Variants in QSOX1 observed in about 807,000 individuals in gnomAD.
QSOX1 encodes the protein quiescin sulfhydryl oxidase 1.
A neutral mutation model predicts 76.1 loss-of-function variants in QSOX1; 40 were observed. The observed-to-expected ratio is 0.53, with a 90% CI of 0.41 to 0.68. The LOEUF is 0.68. Among genes scored for constraint, QSOX1 ranks in the 30% least tolerant of loss-of-function variants. QSOX1 has a pLI of 0.00. For missense variants in QSOX1, 931 were observed against 974.3 expected (o/e 0.96, Z 0.59); for synonymous variants, 392 against 413.1 (o/e 0.95, Z 0.62).
Position 180,196,562 on chromosome 1 carries a change from C to T in QSOX1, c.1769C>T (p.Thr590Ile). 6.2e-7 allele frequency: 1 copy of T among 1,614,216 alleles called. No individual in the cohort carries two copies. Among genetic ancestry groups the T allele is most frequent in the Non-Finnish European group, 8.5e-7 (1 of 1,180,042 alleles). Residue 590 changes from threonine (T) to isoleucine (I), a missense_variant, in exon 12 of 12, where the codon ACA (threonine) becomes ATA (isoleucine). By Grantham distance (89) the Thr-to-Ile change is moderately conservative. Coordinates refer to ENST00000367602, the MANE Select transcript of QSOX1 (RefSeq NM_002826.5). This position sits in a 1 kb window ranked among gnomAD's most constrained non-coding sequence, Gnocchi z 4.1. ...PGKPEMMKSP[T>I]NTTPHVPAEG... ...AAGCCTGAGATGATGAAGTCCCCCA[C>T]AAACACCACCCCACATGTGCCGGCT...
Position 180,175,305 on chromosome 1 carries a change from G to T in QSOX1, c.367-16G>T. On this transcript the variant is annotated splice_polypyrimidine_tract_variant and intron_variant, in intron 2 of 11. Transcript: ENST00000367602. The stretch of plus-strand genomic sequence containing the variant: ...CACTATCTATTACTGATGCCCACCT[G>T]TGTGTTTGCTTCCAGTTCTTCAAGG... 6.2e-7 allele frequency: 1 copy of T among 1,613,964 alleles called. No homozygotes were observed.
At chr1:180,174,230 C>T (rs567176529) in intron 2 of QSOX1, among the ~76,000 whole-genome samples, 2 of 152,328 alleles carry the variant, frequency 1.3e-5, no homozygotes, top group East Asian at 1.9e-4. Flanking sequence ...ATCGGAAGAG[C>T]GCAGGCAAAA....
At chr1:180,156,444 A>C (rs79360503) in intron 1 of QSOX1, among the ~76,000 whole-genome samples, 1,551 of 152,302 alleles carry the variant, frequency 0.01, 20 homozygotes, top group African/African-American at 0.035. Context: ...CCATTGTTCC[A>C]CTGTTGGTAT....
chr1:180,182,732 A>G (rs1270405613), intron 6 of QSOX1, among the ~76,000 whole-genome samples: 2 of 152,156 alleles, frequency 1.3e-5, no homozygotes, highest in Non-Finnish European at 2.9e-5. Context: ...GCAGCCAGAC[A>G]ATAGCCAGTT....
Position 180,182,256 on chromosome 1 carries a change from G to T in QSOX1, c.689G>T (p.Gly230Val). 6.2e-7 allele frequency: 1 copy of T among 1,614,236 alleles called. No individual in the cohort carries two copies. The change falls in exon 6 of 12, where the codon GGT becomes GTT. Residue 230 changes from glycine (G) to valine (V), a missense_variant. Transcript: ENST00000367602. ...GAGGCCAATGTGGTGAGAAAGTTTG[G>T]TGTCACCGACTTCCCCTCTTGCTAC... is the stretch of plus-strand genomic sequence containing the variant. ...NTEANVVRKF[G>V]VTDFPSCYLL...
intron 1 of QSOX1, 25 bp from the exon 2 acceptor site, chr1:180,166,466 A>T: frequency 1.2e-6 from 2 of 1,600,724 alleles, no homozygotes; most frequent in Non-Finnish European, 1.7e-6. Flanking sequence ...CCTCTTATTT[A>T]CCCCTGGGTT....
Position 180,199,175 on chromosome 1 carries a change from C to T in QSOX1, c.*2138C>T, listed in dbSNP as rs1663577785. ...TCTGGTTGATAAACGGGTGGGCCTC[C>T]TCAGCAGCGTGGCTGCCTTTCACCT... On this transcript the variant is annotated 3_prime_UTR_variant, in exon 12 of 12. Coordinates refer to ENST00000367602, the MANE Select transcript of QSOX1 (RefSeq NM_002826.5). The T allele has an allele frequency of 6.6e-6, 1 of 152,226 alleles. No individual in the cohort carries two copies. The highest frequency in any genetic ancestry group is 2.4e-5 in the African/African-American group (1 of 41,460). 9.4% of individuals were successfully genotyped at this position (152,226 alleles called of 1,614,324 possible).
At chr1:180,158,143 A>G (rs916252269) in intron 1 of QSOX1, among the ~76,000 whole-genome samples, 9 of 152,248 alleles carry the variant, frequency 5.9e-5, no homozygotes, top group African/African-American at 2.2e-4. Context: ...CCAGGTTTAC[A>G]CAGATGCTGG....
intron 5 of QSOX1, among the ~76,000 whole-genome samples, chr1:180,180,907 G>C (rs1663015809): frequency 6.6e-6 from 1 of 152,116 alleles, no homozygotes; most frequent in Non-Finnish European, 1.5e-5. Flanking sequence ...TCAGTTCTCA[G>C]AACAGCCCCC....
chr1:180,184,350 C>T (rs1036856141), intron 7 of QSOX1, among the ~76,000 whole-genome samples: 3 of 152,148 alleles, frequency 2.0e-5, no homozygotes, highest in Non-Finnish European at 2.9e-5. Flanking sequence ...GGGGAATCTG[C>T]GTGCAAGGAC....
chr1:180,199,433 C>G lies in QSOX1; in HGVS notation c.*2396C>G, dbSNP rs1284385858. 6.6e-6 allele frequency: 1 copy of G among 152,056 alleles called. No homozygotes were observed. The highest frequency in any genetic ancestry group is 2.4e-5 in the African/African-American group (1 of 41,394). The allele number at this position is 152,056 out of a possible 1,614,324, so 9.4% of individuals were successfully genotyped here. A position where few individuals can be genotyped will look rare whatever the true frequency, so the allele number is the denominator to read the frequency against. ...AATCTCGCCTCTGTCTGGTGTGTTA[C>G]CTACTGGGGGCACAGGAACAATTTC... On this transcript the variant is annotated 3_prime_UTR_variant, in exon 12 of 12. Transcript: ENST00000367602.
intron 2 of QSOX1, among the ~76,000 whole-genome samples, chr1:180,173,825 G>C (rs1662816697): frequency 6.6e-6 from 1 of 152,236 alleles, no homozygotes; most frequent in Non-Finnish European, 1.5e-5. Context: ...TAGGTACCAT[G>C]CTAAGCACTT....
intron 1 of QSOX1, among the ~76,000 whole-genome samples, chr1:180,164,141 C>T (rs1283425885): frequency 6.6e-6 from 1 of 152,298 alleles, no homozygotes; most frequent in East Asian, 1.9e-4. Context: ...CTGGGCCTGG[C>T]ATGCAACAGG....
At position 180,197,556 on chromosome 1, in the gene QSOX1, GC is replaced by G; in HGVS notation, c.*521del. On this transcript the variant is annotated 3_prime_UTR_variant, in exon 12 of 12. Coordinates refer to ENST00000367602, the MANE Select transcript of QSOX1 (RefSeq NM_002826.5). ...GACCACCCCGGGCCCTCTATGCCTG[GC>G]CAGCCTCCAGCTCCTCAGACCTCCT... 3.0e-6 allele frequency: 2 copies of G among 668,860 alleles called. No homozygotes were observed. The highest frequency in any genetic ancestry group is 5.0e-6 in the Non-Finnish European group (2 of 401,882). The allele number at this position is 668,860 out of a possible 1,614,324, so 41.4% of individuals were successfully genotyped here. A position where few individuals can be genotyped will look rare whatever the true frequency, so the allele number is the denominator to read the frequency against.
At chr1:180,188,629 T>A (rs1393659870) in intron 8 of QSOX1, among the ~76,000 whole-genome samples, 1 of 152,218 alleles carries the variant, frequency 6.6e-6, no homozygotes, top group Non-Finnish European at 1.5e-5. Context: ...AGCCCAACGT[T>A]TGATAGGAAT....
chr1:180,196,875 A>G lies in QSOX1; in HGVS notation c.2082A>G (p.Arg694=). ...GQLEARAGRG[R]GQWLQVLGGG... ...TGGAGGCCCGAGCTGGACGGGGCCG[A>G]GGCCAGTGGCTGCAGGTGCTGGGAG... Residue 694 remains arginine, a synonymous_variant, in exon 12 of 12, where the codon CGA becomes CGG. Transcript: ENST00000367602. This position sits in a 1 kb window ranked among gnomAD's most constrained non-coding sequence, Gnocchi z 4.1. 2 of 1,596,662 alleles carry G rather than the reference A, an allele frequency of 1.3e-6. No individual in the cohort carries two copies. The highest frequency in any genetic ancestry group is 2.7e-5 in the African/African-American group (2 of 74,606).
intron 10 of QSOX1, among the ~76,000 whole-genome samples, chr1:180,193,309 C>T (rs949919075): frequency 4.6e-5 from 7 of 151,650 alleles, no homozygotes; most frequent in Non-Finnish European, 7.4e-5. Flanking sequence ...ACGCCAGGGC[C>T]GTGTGGTGAG....
chr1:180,158,079 T>C (rs1208901395), intron 1 of QSOX1, among the ~76,000 whole-genome samples: 1 of 152,212 alleles, frequency 6.6e-6, no homozygotes. Context: ...CCCGGGAAAA[T>C]ATCTGTACTA....
chr1:180,189,656 C>T lies in QSOX1; in HGVS notation c.1122C>T (p.Ala374=). Residue 374 remains alanine (A), a synonymous_variant, in exon 9 of 12, where the codon GCC becomes GCT. Coordinates refer to ENST00000367602, the MANE Select transcript of QSOX1 (RefSeq NM_002826.5). ...TTCCCTACAGTTTCTTTAAAACTGC[C>T]CTGGACGACAGGAAAGAGGTGAGTC... ...NKIPYSFFKT[A]LDDRKEGAVL... 6.2e-7 allele frequency: 1 copy of T among 1,613,060 alleles called. No individual in the cohort carries two copies. Among genetic ancestry groups the T allele is most frequent in the African/African-American group, 1.3e-5 (1 of 74,998 alleles).
Sources: allele counts gnomAD v4.1 joint callset (sites outside exome capture counted in the v4.1 genomes callset), GRCh38; gene constraint gnomAD v4.1.1; non-coding constraint Gnocchi (gnomAD v3.1); transcripts MANE v1.5; gene names NCBI Gene and HGNC (gene_info 2026-07-23, HGNC 2026-07-21).